Variants in CHTF18 observed in about 807,000 individuals in gnomAD.
CHTF18 encodes the protein chromosome transmission fidelity factor 18.
CHTF18 carries 151 observed loss-of-function variants against 113.4 expected under a neutral mutation model. The observed-to-expected ratio is 1.33, with a 90% CI of 1.17 to 1.52. The LOEUF (loss-of-function observed/expected upper bound fraction) is 1.52, where lower values mean the gene tolerates loss of function less well. Ranked by LOEUF, CHTF18 falls within the 40% of genes most tolerant of loss-of-function variation. The pLI is 0.00. For missense variants in CHTF18, 1,982 were observed against 1,381.6 expected, an observed-to-expected ratio of 1.43 and a Z score of -6.89; for synonymous variants, 916 against 598.8, an observed-to-expected ratio of 1.53 and a Z score of -7.74.
chr16:794,225 C>G, intron 15 of CHTF18, 24 bp downstream of exon 15: 1 of 1,604,822 alleles, frequency 6.2e-7, no homozygotes, highest in African/African-American at 1.3e-5. Context: ...ACCAAAATGC[C>G]TGCCTGGGGC....
At chr16:790,889 C>A in intron 7 of CHTF18, 1 of 1,432,190 alleles carries the variant, frequency 7.0e-7, no homozygotes, top group Non-Finnish European at 9.1e-7. Flanking sequence ...GTCACCTGAT[C>A]CAAGTCTCTG....
intron 8 of CHTF18, 158 bp from the exon 9 acceptor site, chr16:791,693 T>C (rs2042200594): frequency 4.2e-6 from 6 of 1,430,846 alleles, no homozygotes; most frequent in South Asian, 1.5e-5. Context: ...GTTGCCATCT[T>C]GGTGTGTGAA....
Position 793,084 on chromosome 16 carries a change from C to CGGGGG in CHTF18, c.1671+23_1671+24insGGGGG, listed in dbSNP as rs1555499709. 5.3e-6 allele frequency: 5 copies of CGGGGG among 938,706 alleles called. No individual in the cohort carries two copies. Among genetic ancestry groups the CGGGGG allele is most frequent in the Middle Eastern group, 2.8e-4 (1 of 3,516 alleles). The allele number at this position is 938,706 out of a possible 1,614,324, so 58.1% of individuals were successfully genotyped here. Reference sequence around the variant, plus strand: ...CTGCAGGTGGGCGGCCGGCAGGCACCGGGTGGGGTGGGGTGGGGTCAGGAG... The same window carrying CGGGGG: ...CTGCAGGTGGGCGGCCGGCAGGCACCGGGGGGGGTGGGGTGGGGTGGGGTCAGGAG... On this transcript the variant is annotated intron_variant, in intron 13 of 21. Transcript: ENST00000262315.
At chr16:791,538 C>T (rs369747430) in intron 8 of CHTF18, 168 bp downstream of exon 8, 7 of 1,435,486 alleles carry the variant, frequency 4.9e-6, no homozygotes, top group Admixed American at 2.8e-5. Context: ...GCAGTAACAA[C>T]TCGGGGGAAG....
At chr16:791,739 G>T in intron 8 of CHTF18, 112 bp from the exon 9 acceptor site, 8 of 1,465,946 alleles carry the variant, frequency 5.5e-6, no homozygotes, top group South Asian at 1.4e-5. Flanking sequence ...TGGCTGGAGT[G>T]GGGTGGAGGG....
At chr16:792,697 G>A (rs1478959458) in intron 11 of CHTF18, 21 bp from the exon 12 acceptor site, 2 of 1,573,910 alleles carry the variant, frequency 1.3e-6, no homozygotes, top group African/African-American at 1.3e-5. Context: ...TGGGGTCCCT[G>A]GCCCTGCCGC....
chr16:795,435 C>T, intron 16 of CHTF18, 79 bp downstream of exon 16: 1 of 852,344 alleles, frequency 1.2e-6, no homozygotes, highest in Admixed American at 2.6e-5. Flanking sequence ...GCCCCCGGCC[C>T]CGTGCCCGCC....
At chr16:790,034 T>TTGGCACCCCTGTCCAGTC (rs1567392255) in intron 4 of CHTF18, 143 bp from the exon 5 acceptor site, 1 of 1,535,768 alleles carries the variant, frequency 6.5e-7, no homozygotes, top group Non-Finnish European at 8.7e-7. Context: ...CTTCATTCCT[T>TTGGCACCCCTGTCCAGTC]TGGCACCCCT....
chr16:795,684 G>A lies in CHTF18; in HGVS notation c.2176-1G>A. 1.3e-6 allele frequency: 2 copies of A among 1,591,622 alleles called. No homozygotes were observed. The highest frequency in any genetic ancestry group is 1.7e-6 in the Non-Finnish European group (2 of 1,172,718). ...AGGCCTTGGCTCACCCCCTGCCCCA[G>A]GCCCAGAACCGGATGAGCCAGATGA... is the stretch of plus-strand genomic sequence containing the variant. On this transcript the variant is annotated splice_acceptor_variant, in intron 16 of 21. Transcript: ENST00000262315. LOFTEE classifies it high-confidence loss of function.
chr16:790,141 A>G (rs1383560320), intron 4 of CHTF18, 36 bp from the exon 5 acceptor site: 1 of 1,559,930 alleles, frequency 6.4e-7, no homozygotes, highest in East Asian at 2.4e-5. Flanking sequence ...GTGACCTAGG[A>G]GGGGCCCAGA....
Position 795,941 on chromosome 16 carries a change from C to T in CHTF18, c.2326-6C>T, listed in dbSNP as rs753750723. ...AGCTCCCTGTCTGCTGCCTCCCATC[C>T]CCTAGGTGAGCACACAGCTGTACAG... On this transcript the variant is annotated splice_polypyrimidine_tract_variant and splice_region_variant and intron_variant, in intron 17 of 21. Transcript: ENST00000262315. 1.6e-5 allele frequency: 25 copies of T among 1,609,766 alleles called. No individual in the cohort carries two copies. The highest frequency in any genetic ancestry group is 5.0e-5 in the Admixed American group (3 of 59,680).
At position 792,646 on chromosome 16, in the gene CHTF18, G is replaced by T. The variant is rs1030157316; in HGVS notation, c.1478+56G>T. ...AGAGGCTCTGGTGCCTGGAGGGAGG[G>T]TTCCGGCCCGTCCCTGTGTCCTGGG... On this transcript the variant is annotated intron_variant, in intron 11 of 21. Coordinates refer to ENST00000262315, the MANE Select transcript of CHTF18 (RefSeq NM_022092.3). The T allele has an allele frequency of 2.5e-5, 39 of 1,591,330 alleles. No homozygotes were observed. The African/African-American group carries it at 5.0e-4, about 20-fold the overall frequency.
rs767740382 is a variant in CHTF18, at chr16:792,329, G to A, written c.1308G>A (p.Glu436=). ...AGCCCAACTGCCTGGTCATCGATGA[G>A]ATCGACGGGGCCCCCGTGGTGGGCT... ...GGKPNCLVID[E]IDGAPVAAIN... Residue 436 remains glutamate, a synonymous_variant, in exon 10 of 22, where the codon GAG becomes GAA. Transcript: ENST00000262315. 3.2e-5 allele frequency: 50 copies of A among 1,553,038 alleles called. No individual in the cohort carries two copies. The highest frequency in any genetic ancestry group is 4.2e-5 in the Non-Finnish European group (48 of 1,148,704).
In CHTF18 at chr16:791,192, A is replaced by G. The variant is rs752021490; in HGVS notation, c.926A>G (p.Lys309Arg). ...AACCGCTGCCTGCTCAAGTGGCTGA[A>G]GTTGTGGGACCTGGTGGTGTTTGGC... ...FTNRCLLKWL[K>R]LWDLVVFGHE... The change falls in exon 8 of 22, where the codon AAG becomes AGG. Residue 309 changes from lysine (K) to arginine (R), a missense_variant. Transcript: ENST00000262315. 1 of 1,611,660 alleles carries G rather than the reference A, an allele frequency of 6.2e-7. No individual in the cohort carries two copies. Among genetic ancestry groups the G allele is most frequent in the Non-Finnish European group, 8.5e-7 (1 of 1,179,506 alleles).
rs187535948 is a variant in CHTF18 at position 792,552 on chromosome 16, G to C, written c.1440G>C (p.Gly480=). 1.9e-6 allele frequency: 3 copies of C among 1,596,398 alleles called. No individual in the cohort carries two copies. In the South Asian group the frequency reaches 3.4e-5, roughly 18 times the overall value. Residue 480 remains glycine (G), a synonymous_variant, in exon 11 of 22, where the codon GGG becomes GGC. Coordinates refer to ENST00000262315, the MANE Select transcript of CHTF18 (RefSeq NM_022092.3). ...GCCGACGGCGCCGGGCAGAGGGGGG[G>C]CTCCTCATGAGGCCCATTATCTGCA... The part of the protein sequence containing the change: ...GGGRRRRAEG[G]LLMRPIICIC...
intron 8 of CHTF18, 100 bp downstream of exon 8, chr16:791,470 T>C: frequency 2.1e-6 from 3 of 1,462,120 alleles, no homozygotes; most frequent in Non-Finnish European, 2.7e-6. Context: ...GCCGTGGGTG[T>C]GGTGACGTGT....
At chr16:795,086 C>G (rs765500872) in intron 15 of CHTF18, 46 bp from the exon 16 acceptor site, 2 of 1,460,032 alleles carry the variant, frequency 1.4e-6, no homozygotes, top group African/African-American at 2.8e-5. Flanking sequence ...GGTGGTGCAC[C>G]TTCCCTGGGG....
intron 14 of CHTF18, chr16:793,569 C>T (rs932607372): frequency 2.8e-5 from 16 of 564,024 alleles, no homozygotes; most frequent in Non-Finnish European, 1.3e-5. Context: ...AGCTGCTGTC[C>T]CAGTTGCACC....
In CHTF18 at chr16:796,012, C is replaced by G. The variant is rs114461038; in HGVS notation, c.2391C>G (p.Leu797=). 6.2e-7 allele frequency: 1 copy of G among 1,606,944 alleles called. No homozygotes were observed. The highest frequency in any genetic ancestry group is 8.5e-7 in the Non-Finnish European group (1 of 1,177,464). The part of the protein sequence containing the change: ...QQLASLVGTM[L]AYSLTYRQER... Reference sequence around the variant, plus strand: ...TGGCCAGCCTGGTGGGCACGATGCTCGCTTACAGCCTGACCTACCGCCAGG... The same window carrying G: ...TGGCCAGCCTGGTGGGCACGATGCTGGCTTACAGCCTGACCTACCGCCAGG... The change falls in exon 18 of 22, where the codon CTC becomes CTG. Residue 797 remains leucine (L), a synonymous_variant. Coordinates refer to ENST00000262315, the MANE Select transcript of CHTF18 (RefSeq NM_022092.3).
Sources: allele counts gnomAD v4.1 joint callset, GRCh38; gene constraint gnomAD v4.1.1; transcripts MANE v1.5; gene names NCBI Gene and HGNC (gene_info 2026-07-23, HGNC 2026-07-21).